The following SNTG2 variants were observed in gnomAD, a reference collection of about 807,000 sequenced individuals.
SNTG2 encodes syntrophin gamma 2.
A neutral mutation model predicts 70.9 loss-of-function variants in SNTG2; 74 were observed. The ratio of observed to expected loss-of-function variants is 1.04; its 90% confidence interval spans 0.86 to 1.27. The LOEUF is 1.27. Ranked by LOEUF, SNTG2 falls within the 50% of genes most tolerant of loss-of-function variation. The pLI is 0.00. For missense variants in SNTG2, 717 were observed against 690.7 expected, an observed-to-expected ratio of 1.04 and a Z score of -0.43; for synonymous variants, 278 against 273.8, an observed-to-expected ratio of 1.02 and a Z score of -0.15.
intron 14 of SNTG2, among the ~76,000 whole-genome samples, chr2:1,300,891 C>T (rs991620901): frequency 2.0e-5 from 3 of 152,064 alleles, no homozygotes; most frequent in Admixed American, 6.6e-5. Flanking sequence ...CTGGATTTTT[C>T]GCCACTGCAG....
rs1340340551 is a variant in SNTG2, at chr2:1,225,996, A to G, written c.720-11892A>G. On this transcript the variant is annotated intron_variant, in intron 9 of 16. Transcript: ENST00000308624. ...ACCACCATTTAATACCATTCACTAC[A>G]CTGGAAAAAAGAAAAAAAAAAACCT... is the stretch of plus-strand genomic sequence containing the variant. Among the ~76,000 whole-genome samples, 3 of 152,028 alleles carry G rather than the reference A, an allele frequency of 2.0e-5. No homozygotes were observed. The East Asian group carries it at 5.8e-4, about 29-fold the overall frequency.
intron 8 of SNTG2, among the ~76,000 whole-genome samples, chr2:1,199,346 A>C (rs1197751866): frequency 2.0e-5 from 3 of 151,970 alleles, no homozygotes; most frequent in Non-Finnish European, 2.9e-5. Context: ...TTATGATAAA[A>C]GTACTCAAAT....
chr2:954,617 G>A (rs752759737), intron 1 of SNTG2, among the ~76,000 whole-genome samples: 2 of 152,168 alleles, frequency 1.3e-5, no homozygotes, highest in Non-Finnish European at 2.9e-5. Flanking sequence ...GTAAAATTCA[G>A]GAAGCCGAGG....
chr2:1,053,111 T>G (rs1662168087), intron 1 of SNTG2, among the ~76,000 whole-genome samples: 2 of 152,208 alleles, frequency 1.3e-5, no homozygotes, highest in Non-Finnish European at 2.9e-5. Flanking sequence ...GACCCTGCGT[T>G]TTGTCCACGT....
At chr2:983,277 G>A (rs1661188273) in intron 1 of SNTG2, among the ~76,000 whole-genome samples, 1 of 117,458 alleles carries the variant, frequency 8.5e-6, no homozygotes, top group African/African-American at 3.2e-5. Context: ...GGATGAAGCA[G>A]AGGCTCTCTT....
intron 6 of SNTG2, among the ~76,000 whole-genome samples, chr2:1,152,494 C>T (rs1255621212): frequency 2.0e-5 from 3 of 151,998 alleles, no homozygotes; most frequent in South Asian, 4.1e-4. Flanking sequence ...TGCATGGATG[C>T]GTATATTCGG....
At chr2:1,068,521 A>C (rs1382369930) in intron 1 of SNTG2, among the ~76,000 whole-genome samples, 1 of 152,240 alleles carries the variant, frequency 6.6e-6, no homozygotes, top group East Asian at 1.9e-4. Flanking sequence ...ATTCTTAAAA[A>C]TATGAGTGAT....
chr2:1,069,583 G>A (rs1031970061), intron 1 of SNTG2, among the ~76,000 whole-genome samples: 1 of 151,666 alleles, frequency 6.6e-6, no homozygotes, highest in Non-Finnish European at 1.5e-5. Flanking sequence ...ACGAGGTCAA[G>A]AGATCGAGAT....
chr2:1,088,413 G>T lies in SNTG2; in HGVS notation c.210+4758G>T, dbSNP rs142880748. ...GTCTTTCTTGGTTGGGTCCCACTCCGCCTGGCACCCCTGGTCCTGCTCAGG... is the reference window on the plus strand; with the variant it reads ...GTCTTTCTTGGTTGGGTCCCACTCCTCCTGGCACCCCTGGTCCTGCTCAGG... On this transcript the variant is annotated intron_variant, in intron 2 of 16. Transcript: ENST00000308624. Among the ~76,000 whole-genome samples, 312 of 152,094 alleles carry T rather than the reference G, an allele frequency of 2.1e-3. 3 individuals are homozygous for T. The highest frequency in any genetic ancestry group is 7.4e-3 in the African/African-American group (306 of 41,486).
intron 4 of SNTG2, among the ~76,000 whole-genome samples, chr2:1,127,627 ATCAG>A (rs1667781023): frequency 6.6e-6 from 1 of 151,900 alleles, no homozygotes. Flanking sequence ...AATTTTTTCT[ATCAG>A]TGTTTCATAG....
chr2:1,243,608 C>A (rs1273553383), intron 11 of SNTG2, among the ~76,000 whole-genome samples: 10 of 152,242 alleles, frequency 6.6e-5, no homozygotes, highest in Admixed American at 5.2e-4. Context: ...CATCTGTCCT[C>A]TGTATTTAGA....
At chr2:982,003 T>C (rs568197880) in intron 1 of SNTG2, among the ~76,000 whole-genome samples, 1 of 152,224 alleles carries the variant, frequency 6.6e-6, no homozygotes, top group Non-Finnish European at 1.5e-5. Context: ...CACACACGTG[T>C]CCACACAGAT....
intron 8 of SNTG2, among the ~76,000 whole-genome samples, chr2:1,201,324 A>T (rs981511342): frequency 1.3e-5 from 2 of 151,950 alleles, no homozygotes; most frequent in African/African-American, 4.8e-5. Flanking sequence ...GTTATCACTC[A>T]TATAGTAAGA....
chr2:1,120,514 G>A (rs113743182), intron 4 of SNTG2, among the ~76,000 whole-genome samples: 1,963 of 152,200 alleles, frequency 0.013, 35 homozygotes, highest in African/African-American at 0.042. Flanking sequence ...TAAGAGACCC[G>A]CTTTATCTTT....
chr2:1,137,010 GA>G (rs1381318247), intron 4 of SNTG2, among the ~76,000 whole-genome samples: 1 of 152,192 alleles, frequency 6.6e-6, no homozygotes, highest in Non-Finnish European at 1.5e-5. Flanking sequence ...ATCCTGTAAT[GA>G]AACCCTTTGT....
chr2:1,168,348 C>A (rs942755320), intron 7 of SNTG2, among the ~76,000 whole-genome samples: 1 of 151,956 alleles, frequency 6.6e-6, no homozygotes, highest in African/African-American at 2.4e-5. Context: ...ACTAACAGAG[C>A]GCCCTGGAAC....
At chr2:1,141,118 A>T (rs1668720354) in intron 6 of SNTG2, among the ~76,000 whole-genome samples, 1 of 152,204 alleles carries the variant, frequency 6.6e-6, no homozygotes, top group Admixed American at 6.5e-5. Flanking sequence ...ATTCACAGAA[A>T]TTGGCTCTGA....
chr2:1,242,378 C>A (rs1291298368), intron 11 of SNTG2, among the ~76,000 whole-genome samples: 1 of 152,078 alleles, frequency 6.6e-6, no homozygotes, highest in African/African-American at 2.4e-5. Context: ...TTAACAACCA[C>A]TGAAATTGGC....
At chr2:1,094,860 C>A (rs1665278713) in intron 2 of SNTG2, among the ~76,000 whole-genome samples, 2 of 75,034 alleles carry the variant, frequency 2.7e-5, no homozygotes, top group South Asian at 6.1e-4. Flanking sequence ...GGGCTGGCTT[C>A]CTGGGCTGCA....
Sources: gnomAD v4.1 joint callset for allele counts (sites outside exome capture counted in the v4.1 genomes callset) on GRCh38, gnomAD v4.1.1 for gene constraint, MANE v1.5 for transcripts, NCBI Gene and HGNC (gene_info 2026-07-23, HGNC 2026-07-21) for gene names.